GLB1L2: variants seen among roughly 807,000 people sequenced by gnomAD.
GLB1L2 encodes the protein galactosidase beta 1 like 2.
GLB1L2 carries 68 observed loss-of-function variants against 84.1 expected under a neutral mutation model. That is an observed-to-expected ratio of 0.81 (90% CI 0.67 to 0.99). The LOEUF is 0.99. Among genes scored for constraint, GLB1L2 ranks in the 50% least tolerant of loss-of-function variants. The pLI is 0.00. For missense variants in GLB1L2, 762 were observed against 805.6 expected (o/e 0.95, Z 0.66); for synonymous variants, 290 against 318.0 (o/e 0.91, Z 0.94).
intron 5 of GLB1L2, among the ~76,000 whole-genome samples, chr11:134,353,711 G>T (rs943846144): frequency 1.3e-5 from 2 of 151,886 alleles, no homozygotes; most frequent in African/African-American, 4.8e-5. Flanking sequence ...TGGAATTCTG[G>T]CATTTGGTGC....
chr11:134,356,114 GT>G (rs1254490163), intron 5 of GLB1L2, 186 bp from the exon 6 acceptor site: 1 of 702,244 alleles, frequency 1.4e-6, no homozygotes, highest in African/African-American at 1.7e-5. Flanking sequence ...GTCTGGAGTT[GT>G]TTTCTTGATG....
intron 15 of GLB1L2, among the ~76,000 whole-genome samples, chr11:134,373,066 G>C (rs1025665811): frequency 6.6e-6 from 1 of 152,126 alleles, no homozygotes; most frequent in Non-Finnish European, 1.5e-5. Flanking sequence ...AGAAATGCGC[G>C]TGCCCACATA....
chr11:134,332,184 A>G, intron 1 of GLB1L2, 37 bp downstream of exon 1: 1 of 1,414,964 alleles, frequency 7.1e-7, no homozygotes, highest in Non-Finnish European at 9.6e-7. Flanking sequence ...GCCGGACCCC[A>G]CATTCCCCAG....
rs150826902 is a variant in GLB1L2, at chr11:134,362,925, T to C, written c.734-1403T>C. On this transcript the variant is annotated intron_variant, in intron 7 of 18. Coordinates refer to ENST00000535456, the MANE Select transcript of GLB1L2 (RefSeq NM_001370461.1). ...ACTCCTAGACCATTTACTGTCCCTG[T>C]GTCCTTCTCAGTGTTCCAGGATTTG... Among the ~76,000 whole-genome samples the C allele has an allele frequency of 3.4e-3, 511 of 152,336 alleles. 4 individuals are homozygous for C. Among genetic ancestry groups the C allele is most frequent in the African/African-American group, 0.012 (495 of 41,576 alleles).
In GLB1L2 at chr11:134,344,334, G is replaced by T. The variant is rs952894262; in HGVS notation, c.285-53G>T. On this transcript the variant is annotated intron_variant, in intron 2 of 18. Coordinates refer to ENST00000535456, the MANE Select transcript of GLB1L2 (RefSeq NM_001370461.1). ...TGGGCTAAAGAAGGTAATGTGAGAG[G>T]TGAAATGGAATGAATGACATGCTCT... is the stretch of plus-strand genomic sequence containing the variant. 1.9e-6 allele frequency: 3 copies of T among 1,601,754 alleles called. No individual in the cohort carries two copies. The African/African-American group carries it at 4.0e-5, about 21-fold the overall frequency.
At position 134,334,797 on chromosome 11, in the gene GLB1L2, T is replaced by C. The variant is rs892623135; in HGVS notation, c.86+2650T>C. ...TTGGTCTGGCTTCTTTCACTCAGAG[T>C]ATTATTTTGAGGTCTGCGATGCACG... On this transcript the variant is annotated intron_variant, in intron 1 of 18. Coordinates refer to ENST00000535456, the MANE Select transcript of GLB1L2 (RefSeq NM_001370461.1). The surrounding 1 kb of genome is among the most constrained non-coding windows in gnomAD (Gnocchi z 4.1). Among the ~76,000 whole-genome samples, 1 of 152,148 alleles carries C rather than the reference T, an allele frequency of 6.6e-6. No homozygotes were observed. Among genetic ancestry groups the C allele is most frequent in the Admixed American group, 6.5e-5 (1 of 15,282 alleles).
At chr11:134,364,438 A>T (rs370456525) in intron 8 of GLB1L2, 40 bp downstream of exon 8, 15 of 1,511,322 alleles carry the variant, frequency 9.9e-6, no homozygotes, top group Non-Finnish European at 1.4e-5. Flanking sequence ...CGCCCTGCTC[A>T]GCGGCCTATG....
At chr11:134,346,107 G>A (rs561736033) in intron 4 of GLB1L2, among the ~76,000 whole-genome samples, 3 of 152,248 alleles carry the variant, frequency 2.0e-5, no homozygotes, top group East Asian at 3.9e-4. Flanking sequence ...TCCCCAAGCC[G>A]TCTCCCCTCC....
At chr11:134,373,887 C>G (rs1017342150) in intron 16 of GLB1L2, 79 bp downstream of exon 16, 14 of 1,085,118 alleles carry the variant, frequency 1.3e-5, no homozygotes, top group Non-Finnish European at 1.5e-5. Flanking sequence ...CCTGGTGCAC[C>G]GTGGCCTGGC....
At chr11:134,343,811 C>T (rs1433459406) in intron 2 of GLB1L2, among the ~76,000 whole-genome samples, 2 of 152,176 alleles carry the variant, frequency 1.3e-5, no homozygotes, top group Non-Finnish European at 2.9e-5. Context: ...GCAGGCTCTC[C>T]TCCTTCATCT....
intron 5 of GLB1L2, among the ~76,000 whole-genome samples, chr11:134,352,455 C>CT (rs1235962387): frequency 2.0e-5 from 3 of 151,896 alleles, no homozygotes; most frequent in African/African-American, 7.3e-5. Flanking sequence ...CTGCTCTAAT[C>CT]TTTATTATTT....
At chr11:134,372,870 A>G (rs1943975764) in intron 15 of GLB1L2, among the ~76,000 whole-genome samples, 1 of 152,088 alleles carries the variant, frequency 6.6e-6, no homozygotes, top group South Asian at 2.1e-4. Context: ...CCTTTACCCT[A>G]GACAGCTCCC....
chr11:134,364,404 T>C lies in GLB1L2; in HGVS notation c.804+6T>C, dbSNP rs757932900. On this transcript the variant is annotated splice_donor_region_variant and intron_variant, in intron 8 of 18. Transcript: ENST00000535456. ...CCTTTCTCTTCAACGTCCAGGTAAG[T>C]CCAGCCCCAGGGAAGCTGCGGCCCG... 3.7e-6 allele frequency: 6 copies of C among 1,612,514 alleles called. No homozygotes were observed. The South Asian group carries it at 6.6e-5, about 18-fold the overall frequency.
chr11:134,343,750 C>T (rs1395392962), intron 2 of GLB1L2, among the ~76,000 whole-genome samples: 1 of 152,214 alleles, frequency 6.6e-6, no homozygotes, highest in African/African-American at 2.4e-5. Flanking sequence ...AGAAGCAGCA[C>T]CGACGACACT....
At chr11:134,347,718 G>A (rs1257459713) in intron 5 of GLB1L2, among the ~76,000 whole-genome samples, 2 of 152,126 alleles carry the variant, frequency 1.3e-5, no homozygotes, top group African/African-American at 4.8e-5. Context: ...TGTGATAGCC[G>A]GGAACACGCA....
At chr11:134,332,289 T>G in intron 1 of GLB1L2, 142 bp downstream of exon 1, 2 of 559,340 alleles carry the variant, frequency 3.6e-6, no homozygotes, top group Admixed American at 3.4e-5. Context: ...AGCTCCCCAA[T>G]ACCCCCGAGT....
chr11:134,356,054 G>A (rs962474313), intron 5 of GLB1L2: 2 of 630,738 alleles, frequency 3.2e-6, no homozygotes, highest in African/African-American at 3.6e-5. Context: ...TCACTTGTTT[G>A]GTTAGACACT....
At chr11:134,332,920 C>T (rs1263634818) in intron 1 of GLB1L2, among the ~76,000 whole-genome samples, 1 of 152,202 alleles carries the variant, frequency 6.6e-6, no homozygotes, top group African/African-American at 2.4e-5. Context: ...TCTTTCAGGT[C>T]AGCACTTTCC....
rs1234806934 is a variant in GLB1L2 at position 134,373,804 on chromosome 11, C to T, written c.1591C>T (p.Gln531Ter). The T allele has an allele frequency of 6.2e-7, 1 of 1,602,970 alleles. No homozygotes were observed. Among genetic ancestry groups the T allele is most frequent in the Non-Finnish European group, 8.5e-7 (1 of 1,170,088 alleles). The part of the protein sequence containing the change: ...YSLDMKKSFF[Q>*]RFGLDKWSSL... ...CCTGGATATGAAGAAGAGCTTCTTTCAGAGGTGGGTCCCTGCCCAGCACCA... is the reference window on the plus strand; with the variant it reads ...CCTGGATATGAAGAAGAGCTTCTTTTAGAGGTGGGTCCCTGCCCAGCACCA... The change falls in exon 16 of 19, where the codon CAG becomes TAG. Residue 531 changes from glutamine to a stop codon, truncating the protein, a stop_gained. Transcript: ENST00000535456. LOFTEE classifies it high-confidence loss of function.
Sources: gnomAD v4.1 joint callset for allele counts (sites outside exome capture counted in the v4.1 genomes callset) on GRCh38, gnomAD v4.1.1 for gene constraint, Gnocchi (gnomAD v3.1) non-coding constraint, MANE v1.5 for transcripts, NCBI Gene and HGNC (gene_info 2026-07-23, HGNC 2026-07-21) for gene names.